The following ANO3 variants were observed in gnomAD, a reference collection of about 807,000 sequenced individuals.
ANO3 encodes the protein anoctamin 3, also known as anoctamin-3.
In ANO3, 99 loss-of-function variants were observed where a neutral mutation model predicts 144.8. The observed-to-expected ratio is 0.68, with a 90% confidence interval of 0.58 to 0.81. ANO3 has a LOEUF of 0.81. ANO3 is among the 30% of genes least tolerant of loss of function. The probability of loss-of-function intolerance (pLI) is 0.00; values close to 1 mark genes in which losing one functional copy is unlikely to be tolerated. For missense variants in ANO3, 905 were observed against 1,202.2 expected (o/e 0.75, Z 3.66); for synonymous variants, 414 against 392.6 (o/e 1.05, Z -0.64).
intron 11 of ANO3, among the ~76,000 whole-genome samples, chr11:26,546,996 G>A (rs1849805950): frequency 6.6e-6 from 1 of 151,832 alleles, no homozygotes; most frequent in Admixed American, 6.6e-5. Flanking sequence ...GTCTGGTGAA[G>A]GGTGCAGATG....
intron 1 of ANO3, among the ~76,000 whole-genome samples, chr11:26,204,033 A>G (rs952819770): frequency 2.0e-5 from 3 of 152,128 alleles, no homozygotes; most frequent in African/African-American, 7.2e-5. Context: ...TCATATGACT[A>G]GTACTATTGT....
chr11:26,634,434 CA>C, intron 19 of ANO3, 119 bp downstream of exon 19: 1 of 632,818 alleles, frequency 1.6e-6, no homozygotes, highest in Non-Finnish European at 2.7e-6. Context: ...AAAGTTGGCA[CA>C]AAAAAATAAA....
intron 1 of ANO3, among the ~76,000 whole-genome samples, chr11:26,283,172 T>A (rs1285214331): frequency 6.6e-6 from 1 of 151,358 alleles, no homozygotes; most frequent in Non-Finnish European, 1.5e-5. Context: ...GAAAGTCTTC[T>A]TTCAATTTCC....
At chr11:26,504,987 A>G (rs10834995) in intron 4 of ANO3, among the ~76,000 whole-genome samples, 98,120 of 138,568 alleles carry the variant, frequency 0.71, 34,911 homozygotes, top group Admixed American at 0.8. Flanking sequence ...ACTCCAGCCT[A>G]GGCGACAGAG....
intron 1 of ANO3, among the ~76,000 whole-genome samples, chr11:26,407,068 G>GTTTATATATATA (rs760132418): frequency 1.0e-5 from 1 of 96,424 alleles, no homozygotes; most frequent in Non-Finnish European, 2.2e-5. Flanking sequence ...GTGTGTGTGT[G>GTTTATATATATA]TGTGTGTGTA....
chr11:26,437,665 T>C (rs1858343183), intron 1 of ANO3, among the ~76,000 whole-genome samples: 1 of 152,082 alleles, frequency 6.6e-6, no homozygotes, highest in Non-Finnish European at 1.5e-5. Flanking sequence ...AGCCCCTCCA[T>C]AGGTAGTTTT....
chr11:26,611,219 G>A (rs1852089526), intron 17 of ANO3, among the ~76,000 whole-genome samples: 1 of 151,734 alleles, frequency 6.6e-6, no homozygotes, highest in Non-Finnish European at 1.5e-5. Context: ...CAGGTTATTG[G>A]GAATCTTTGT....
At chr11:26,565,821 A>C (rs1031856604) in intron 14 of ANO3, 17 of 1,612,686 alleles carry the variant, frequency 1.1e-5, no homozygotes, top group Non-Finnish European at 1.4e-5. Context: ...TGAATAAAAC[A>C]ACGTTGAAAT....
chr11:26,473,127 A>AT (rs1859842279), intron 4 of ANO3, among the ~76,000 whole-genome samples: 1 of 151,814 alleles, frequency 6.6e-6, no homozygotes, highest in African/African-American at 2.4e-5. Flanking sequence ...GTGTGAAGTT[A>AT]TTTTTTCTAT....
At chr11:26,521,864 A>G (rs1862089889) in intron 6 of ANO3, among the ~76,000 whole-genome samples, 1 of 152,180 alleles carries the variant, frequency 6.6e-6, no homozygotes, top group Non-Finnish European at 1.5e-5. Flanking sequence ...TATTTTAAAC[A>G]AAGCAAATTT....
chr11:26,480,008 G>A (rs891201050), intron 4 of ANO3, among the ~76,000 whole-genome samples: 7 of 152,158 alleles, frequency 4.6e-5, no homozygotes, highest in African/African-American at 1.4e-4. Context: ...TGTGAGCAAA[G>A]ATATAGAGTT....
chr11:26,398,236 C>T (rs1293153999), intron 1 of ANO3, among the ~76,000 whole-genome samples: 1 of 151,908 alleles, frequency 6.6e-6, no homozygotes, highest in Non-Finnish European at 1.5e-5. Flanking sequence ...TTTTGGGAAG[C>T]TAAATGTCAT....
At chr11:26,273,110 T>G (rs908996508) in intron 1 of ANO3, among the ~76,000 whole-genome samples, 1 of 152,200 alleles carries the variant, frequency 6.6e-6, no homozygotes, top group African/African-American at 2.4e-5. Context: ...CTGCCAGTCT[T>G]TTCGTTGTAT....
At chr11:26,478,368 T>C (rs1041662647) in intron 4 of ANO3, among the ~76,000 whole-genome samples, 11 of 152,178 alleles carry the variant, frequency 7.2e-5, no homozygotes, top group Non-Finnish European at 1.5e-5. Context: ...TGGCCCACTT[T>C]AGGTCAAAGA....
chr11:26,438,611 A>AAAAAAAAAAAAAAAAG (rs1858389741), intron 1 of ANO3, among the ~76,000 whole-genome samples: 8 of 35,508 alleles, frequency 2.3e-4, no homozygotes, highest in Admixed American at 5.1e-4. Context: ...AAAAAAAAGA[A>AAAAAAAAAAAAAAAAG]AAAAAAAAAA....
chr11:26,435,508 T>C (rs1295712243), intron 1 of ANO3, among the ~76,000 whole-genome samples: 1 of 152,212 alleles, frequency 6.6e-6, no homozygotes, highest in African/African-American at 2.4e-5. Context: ...GAAATATGTT[T>C]TCCTCATCCC....
intron 1 of ANO3, among the ~76,000 whole-genome samples, chr11:26,248,006 C>A (rs1852838121): frequency 6.6e-6 from 1 of 151,346 alleles, no homozygotes; most frequent in South Asian, 2.1e-4. Flanking sequence ...CCTCTGATTA[C>A]AGGCGTGAGC....
chr11:26,384,482 C>T lies in ANO3; in HGVS notation c.46+52161C>T, dbSNP rs1026831372. ...TCTGAATGGATTATATGAGGTAGGG[C>T]TTAAAGAGGAGTAAATGAAAATCTT... On this transcript the variant is annotated intron_variant, in intron 1 of 26. Transcript: ENST00000256737. Among the ~76,000 whole-genome samples the T allele has an allele frequency of 3.3e-5, 5 of 152,120 alleles. No homozygotes were observed. The East Asian group carries it at 9.7e-4, about 29-fold the overall frequency.
chr11:26,612,947 T>G (rs1353597029), intron 17 of ANO3, among the ~76,000 whole-genome samples: 2 of 152,172 alleles, frequency 1.3e-5, no homozygotes, highest in African/African-American at 2.4e-5. Flanking sequence ...CTTTTGGCAG[T>G]TTGATTAACG....
Sources: gnomAD v4.1 joint callset for allele counts (sites outside exome capture counted in the v4.1 genomes callset) on GRCh38, gnomAD v4.1.1 for gene constraint, MANE v1.5 for transcripts, NCBI Gene and HGNC (gene_info 2026-07-23, HGNC 2026-07-21) for gene names.